Variants in MIS18A observed in about 807,000 individuals in gnomAD.
The protein encoded by MIS18A is MIS18 kinetochore protein A.
A neutral mutation model predicts 25.0 loss-of-function variants in MIS18A; 14 were observed. That is an observed-to-expected ratio of 0.56 (90% CI 0.37 to 0.88). The LOEUF is 0.88. Among genes scored for constraint, MIS18A ranks in the 40% least tolerant of loss-of-function variants. The probability of loss-of-function intolerance (pLI) is 0.00; values close to 1 mark genes in which losing one functional copy is unlikely to be tolerated. For missense variants in MIS18A, 292 were observed against 290.8 expected, an observed-to-expected ratio of 1.00 and a Z score of -0.03; for synonymous variants, 134 against 118.6, an observed-to-expected ratio of 1.13 and a Z score of -0.84.
the MIS18A span, among the ~76,000 whole-genome samples, chr21:32,257,819 C>T: frequency 4.6e-5 from 7 of 152,180 alleles, no homozygotes; most frequent in Non-Finnish European, 7.3e-5. Context: ...ACCACTTTGC[C>T]TCTGCATAAT....
chr21:32,273,492 C>T (rs2031751698), intron 2 of MIS18A, among the ~76,000 whole-genome samples: 1 of 152,100 alleles, frequency 6.6e-6, no homozygotes, highest in South Asian at 2.1e-4. Context: ...TCCAGAGATT[C>T]CAAGCATCTT....
At chr21:32,169,972 T>C in the MIS18A span, among the ~76,000 whole-genome samples, 1 of 151,958 alleles carries the variant, frequency 6.6e-6, no homozygotes, top group Admixed American at 6.6e-5. Flanking sequence ...GTATAAGATA[T>C]GAAAATAAAT....
downstream of MIS18A, among the ~76,000 whole-genome samples, chr21:32,265,016 G>T (rs899763388): frequency 2.0e-5 from 3 of 152,228 alleles, no homozygotes; most frequent in Non-Finnish European, 4.4e-5. Flanking sequence ...TCTGGAATCA[G>T]TTTCCCTATC....
At chr21:32,201,320 G>A in the MIS18A span, among the ~76,000 whole-genome samples, 1 of 151,848 alleles carries the variant, frequency 6.6e-6, no homozygotes, top group Non-Finnish European at 1.5e-5. Context: ...GAGGAACCAG[G>A]TGGAAAAAAA....
chr21:32,257,435 A>C, the MIS18A span, among the ~76,000 whole-genome samples: 3 of 152,178 alleles, frequency 2.0e-5, no homozygotes, highest in South Asian at 6.2e-4. Context: ...TGTTCATTAC[A>C]CAGCAGCAGC....
intron 1 of MIS18A, chr21:32,278,350 T>G: frequency 2.9e-6 from 1 of 346,410 alleles, no homozygotes; most frequent in South Asian, 5.1e-5. Context: ...GTGCTTACAG[T>G]CTAGTTGACC....
At chr21:32,157,517 A>G in the MIS18A span, among the ~76,000 whole-genome samples, 1 of 151,352 alleles carries the variant, frequency 6.6e-6, no homozygotes, top group African/African-American at 2.4e-5. Context: ...TTATTATAGT[A>G]AAGTTTTTTT....
chr21:32,214,346 C>A, the MIS18A span, among the ~76,000 whole-genome samples: 1 of 152,208 alleles, frequency 6.6e-6, no homozygotes, highest in Non-Finnish European at 1.5e-5. Flanking sequence ...CTAGAAAATT[C>A]TGACAAAGTC....
chr21:32,185,661 T>C, the MIS18A span, among the ~76,000 whole-genome samples: 8 of 152,242 alleles, frequency 5.3e-5, no homozygotes, highest in African/African-American at 1.9e-4. Flanking sequence ...ACCCTGGAAC[T>C]TTGCTGCCTC....
At chr21:32,237,608 C>A in the MIS18A span, among the ~76,000 whole-genome samples, 2,440 of 152,240 alleles carry the variant, frequency 0.016, 64 homozygotes, top group African/African-American at 0.056. Context: ...CTGAAATGCA[C>A]ATGGGTAACT....
At chr21:32,204,129 C>CA in the MIS18A span, among the ~76,000 whole-genome samples, 1 of 152,124 alleles carries the variant, frequency 6.6e-6, no homozygotes, top group Non-Finnish European at 1.5e-5. Context: ...AATGAATCGA[C>CA]AGACATATTG....
chr21:32,247,047 G>A, the MIS18A span, among the ~76,000 whole-genome samples: 1 of 152,148 alleles, frequency 6.6e-6, no homozygotes, highest in Non-Finnish European at 1.5e-5. Flanking sequence ...AAGCATGAAG[G>A]CTTTCCCAGC....
chr21:32,269,626 G>A, intron 4 of MIS18A, 81 bp downstream of exon 4: 1 of 796,090 alleles, frequency 1.3e-6, no homozygotes, highest in East Asian at 2.6e-5. Context: ...ATGACGTTAT[G>A]AGAATTATCG....
the MIS18A span, among the ~76,000 whole-genome samples, chr21:32,173,103 T>G: frequency 6.6e-5 from 10 of 152,166 alleles, no homozygotes; most frequent in African/African-American, 1.7e-4. Flanking sequence ...AAAAGATAAA[T>G]CATACTTCAT....
At chr21:32,267,678 G>T (rs1808091152), downstream of MIS18A, among the ~76,000 whole-genome samples, 1 of 152,196 alleles carries the variant, frequency 6.6e-6, no homozygotes, top group African/African-American at 2.4e-5. Context: ...GCTGAGTCTT[G>T]TGGCTAAAAT....
At chr21:32,187,415 A>T in the MIS18A span, among the ~76,000 whole-genome samples, 1 of 152,176 alleles carries the variant, frequency 6.6e-6, no homozygotes, top group African/African-American at 2.4e-5. Context: ...AGTTTTTACC[A>T]GGTGACCTTG....
the MIS18A span, among the ~76,000 whole-genome samples, chr21:32,181,627 C>T: frequency 6.6e-6 from 1 of 152,190 alleles, no homozygotes; most frequent in South Asian, 2.1e-4. Flanking sequence ...GGACACAGTG[C>T]CCAGATAATG....
At chr21:32,252,437 AG>A in the MIS18A span, among the ~76,000 whole-genome samples, 3 of 151,204 alleles carry the variant, frequency 2.0e-5, no homozygotes, top group Non-Finnish European at 4.4e-5. Context: ...AGGAGGAGGA[AG>A]GGGAGAGGAG....
chr21:32,265,434 C>G (rs187399863), downstream of MIS18A, among the ~76,000 whole-genome samples: 14 of 152,350 alleles, frequency 9.2e-5, no homozygotes, highest in East Asian at 2.7e-3. Context: ...AGCAGCCAGC[C>G]AGCCCTGCTG....
Sources: gnomAD v4.1 joint callset for allele counts (sites outside exome capture counted in the v4.1 genomes callset) on GRCh38, gnomAD v4.1.1 for gene constraint, MANE v1.5 for transcripts, NCBI Gene and HGNC (gene_info 2026-07-23, HGNC 2026-07-21) for gene names.